PCDHGA3: variants seen among roughly 807,000 people sequenced by gnomAD.
PCDHGA3 encodes the protein protocadherin gamma-A3.
Under a neutral mutation model 58.5 loss-of-function variants are expected in PCDHGA3, and 40 were observed. The observed-to-expected ratio is 0.68, with a 90% CI of 0.53 to 0.89. The LOEUF (loss-of-function observed/expected upper bound fraction) is 0.89, where lower values mean the gene tolerates loss of function less well. Among genes scored for constraint, PCDHGA3 ranks in the 40% least tolerant of loss-of-function variants. The pLI is 0.00. For missense variants in PCDHGA3, 1,223 were observed against 1,195.9 expected, an observed-to-expected ratio of 1.02 and a Z score of -0.33; for synonymous variants, 530 against 525.7, an observed-to-expected ratio of 1.01 and a Z score of -0.11.
chr5:141,399,336 T>C, intron 1 of PCDHGA3: 2 of 1,613,976 alleles, frequency 1.2e-6, no homozygotes, highest in Non-Finnish European at 1.7e-6. Context: ...TGGTAACAGA[T>C]GGAACCCTAG....
intron 1 of PCDHGA3, chr5:141,410,789 A>C: frequency 1.3e-6 from 1 of 794,444 alleles, no homozygotes; most frequent in Non-Finnish European, 1.8e-6. Context: ...TATTTGGTTC[A>C]TAAGTTGCTC....
At chr5:141,466,974 C>G (rs1314224956) in intron 1 of PCDHGA3, among the ~76,000 whole-genome samples, 1 of 151,944 alleles carries the variant, frequency 6.6e-6, no homozygotes, top group Non-Finnish European at 1.5e-5. Context: ...TCTCACAGCT[C>G]ATCATTTACC....
intron 1 of PCDHGA3, chr5:141,370,882 G>A (rs762362899): frequency 6.2e-7 from 1 of 1,613,894 alleles, no homozygotes. Flanking sequence ...CCTGATGTAG[G>A]TGTCAATTCG....
At chr5:141,388,906 A>G (rs943139475) in intron 1 of PCDHGA3, 5 of 1,613,898 alleles carry the variant, frequency 3.1e-6, no homozygotes, top group African/African-American at 2.7e-5. Flanking sequence ...GAAAATGACA[A>G]CGCCCCAGAA....
intron 1 of PCDHGA3, chr5:141,415,268 T>C: frequency 6.2e-7 from 1 of 1,614,174 alleles, no homozygotes; most frequent in Non-Finnish European, 8.5e-7. Flanking sequence ...CTGTACCTGG[T>C]GGTAGCGGTG....
chr5:141,374,090 C>T, intron 1 of PCDHGA3: 1 of 1,535,464 alleles, frequency 6.5e-7, no homozygotes, highest in Non-Finnish European at 8.8e-7. Context: ...AGTAATGGCG[C>T]CTCCGCAGAG....
intron 1 of PCDHGA3, chr5:141,360,661 G>T (rs779342119): frequency 6.2e-7 from 1 of 1,613,944 alleles, no homozygotes; most frequent in Middle Eastern, 1.6e-4. Flanking sequence ...TAATGACAAC[G>T]AGTACTTTGA....
rs911465424 is a variant in PCDHGA3 at position 141,449,724 on chromosome 5, AT to A, written c.2425-45076del. ...AAACACATTATTTTTATATGATATG[AT>A]TTTTTTATGACATGATTATTTTTAT... On this transcript the variant is annotated intron_variant, in intron 1 of 3. Coordinates refer to ENST00000253812, the MANE Select transcript of PCDHGA3 (RefSeq NM_018916.4). 1.2e-4 allele frequency among the ~76,000 whole-genome samples: 18 copies of A among 151,282 alleles called. No homozygotes were observed. The South Asian group carries it at 1.9e-3, about 16-fold the overall frequency.
At chr5:141,381,397 A>G (rs1207743426) in intron 1 of PCDHGA3, among the ~76,000 whole-genome samples, 1 of 152,222 alleles carries the variant, frequency 6.6e-6, no homozygotes, top group Admixed American at 6.5e-5. Flanking sequence ...GTTTTACTCT[A>G]TCAACATCAG....
intron 1 of PCDHGA3, chr5:141,352,051 C>T (rs1319194846): frequency 3.1e-6 from 5 of 1,607,202 alleles, no homozygotes; most frequent in South Asian, 1.1e-5. Flanking sequence ...CAGGACACAA[C>T]GCTTGGCTGT....
At chr5:141,399,434 T>C (rs937697147) in intron 1 of PCDHGA3, 1 of 1,614,008 alleles carries the variant, frequency 6.2e-7, no homozygotes. Flanking sequence ...AGCGTCATCC[T>C]ACATATCAGA....
intron 1 of PCDHGA3, chr5:141,422,371 C>T (rs866886181): frequency 6.4e-7 from 1 of 1,567,212 alleles, no homozygotes; most frequent in South Asian, 1.2e-5. Context: ...AGAAAATGGT[C>T]AAGTCTCCTG....
chr5:141,499,479 C>T (rs1019775735), intron 2 of PCDHGA3, among the ~76,000 whole-genome samples: 1 of 152,146 alleles, frequency 6.6e-6, no homozygotes. Context: ...AGAACCACCA[C>T]CAACTACAGT....
At chr5:141,451,610 G>T (rs184745360) in intron 1 of PCDHGA3, among the ~76,000 whole-genome samples, 60 of 152,298 alleles carry the variant, frequency 3.9e-4, no homozygotes, top group African/African-American at 1.3e-3. Context: ...GGCTAGGCAT[G>T]GTGGCTCAAA....
In PCDHGA3 at chr5:141,432,931, G is replaced by A. The variant is rs2097550450; in HGVS notation, c.2425-61876G>A. The A allele has an allele frequency of 6.2e-7, 1 of 1,614,198 alleles. No individual in the cohort carries two copies. The highest frequency in any genetic ancestry group is 2.2e-5 in the East Asian group (1 of 44,864). Reference sequence around the variant, plus strand: ...TGCGGCGCTGGCACAAGTCACGCCTGCTGCAGGCTTCAGGAGGCGGCTTGA... The same window carrying A: ...TGCGGCGCTGGCACAAGTCACGCCTACTGCAGGCTTCAGGAGGCGGCTTGA... On this transcript the variant is annotated intron_variant, in intron 1 of 3. Transcript: ENST00000253812. The surrounding 1 kb of genome is among the most constrained non-coding windows in gnomAD (Gnocchi z 6.0).
intron 1 of PCDHGA3, chr5:141,418,959 C>A: frequency 6.2e-7 from 1 of 1,613,976 alleles, no homozygotes; most frequent in East Asian, 2.2e-5. Flanking sequence ...GTGGTTGTTG[C>A]CCTCTTCAAA....
chr5:141,395,097 G>A lies in PCDHGA3; in HGVS notation c.2424+48640G>A, dbSNP rs376460647. The A allele has an allele frequency of 1.3e-5, 21 of 1,614,040 alleles. No homozygotes were observed. Among genetic ancestry groups the A allele is most frequent in the Non-Finnish European group, 1.7e-5 (20 of 1,180,038 alleles). On this transcript the variant is annotated intron_variant, in intron 1 of 3. Coordinates refer to ENST00000253812, the MANE Select transcript of PCDHGA3 (RefSeq NM_018916.4). ...TTCCCAGGAAGTCTCCCTCACCGCC[G>A]ACTCGCGGAAGAGTCACCTGATCTT...
Position 141,490,225 on chromosome 5 carries a change from G to A in PCDHGA3, c.2425-4582G>A, listed in dbSNP as rs2099697468. On this transcript the variant is annotated intron_variant, in intron 1 of 3. Coordinates refer to ENST00000253812, the MANE Select transcript of PCDHGA3 (RefSeq NM_018916.4). This position sits in a 1 kb window ranked among gnomAD's most constrained non-coding sequence, Gnocchi z 5.4. The stretch of plus-strand genomic sequence containing the variant: ...AAGAGCCCGTGACCAGGGACAGCCT[G>A]CCATGGAGGGCCACTGTGTGATTCA... The A allele has an allele frequency of 6.2e-7, 1 of 1,614,112 alleles. No homozygotes were observed. The highest frequency in any genetic ancestry group is 1.1e-5 in the South Asian group (1 of 91,090).
chr5:141,501,897 C>T (rs796164763), intron 2 of PCDHGA3, among the ~76,000 whole-genome samples: 17 of 152,230 alleles, frequency 1.1e-4, no homozygotes, highest in African/African-American at 3.4e-4. Flanking sequence ...ATCATGGTTC[C>T]AACCCCACTG....
Sources: allele counts gnomAD v4.1 joint callset (sites outside exome capture counted in the v4.1 genomes callset), GRCh38; gene constraint gnomAD v4.1.1; non-coding constraint Gnocchi (gnomAD v3.1); transcripts MANE v1.5; gene names NCBI Gene and HGNC (gene_info 2026-07-23, HGNC 2026-07-21).